NRG2: variants seen among roughly 807,000 people sequenced by gnomAD.
NRG2 encodes the protein neuregulin 2, also known as pro-neuregulin-2, membrane-bound isoform.
NRG2 carries 27 observed loss-of-function variants against 73.9 expected under a neutral mutation model. That is an observed-to-expected ratio of 0.37 (90% CI 0.27 to 0.50). The LOEUF (loss-of-function observed/expected upper bound fraction) is 0.50, where lower values mean the gene tolerates loss of function less well. Ranked by LOEUF, NRG2 falls within the 20% of genes least tolerant of loss-of-function variation. The pLI is 0.96. For missense variants in NRG2, 1,126 were observed against 1,210.1 expected, an observed-to-expected ratio of 0.93 and a Z score of 1.03; for synonymous variants, 532 against 541.0, an observed-to-expected ratio of 0.98 and a Z score of 0.23.
At chr5:139,927,689 G>A (rs543852572) in intron 1 of NRG2, among the ~76,000 whole-genome samples, 6 of 151,022 alleles carry the variant, frequency 4.0e-5, no homozygotes, top group South Asian at 4.2e-4. Flanking sequence ...ACTTGAACCC[G>A]GAAGGCGGAG....
intron 1 of NRG2, among the ~76,000 whole-genome samples, chr5:139,975,250 AG>A (rs990750638): frequency 2.0e-5 from 3 of 152,194 alleles, no homozygotes; most frequent in African/African-American, 2.4e-5. Flanking sequence ...TCTGGTGAAA[AG>A]GGAAAAAAAA....
chr5:139,866,395 T>C (rs1762473859), intron 4 of NRG2, among the ~76,000 whole-genome samples: 1 of 152,180 alleles, frequency 6.6e-6, no homozygotes, highest in South Asian at 2.1e-4. Flanking sequence ...GGAACCCTTG[T>C]GGTAGAACAT....
At chr5:139,881,537 CATTCATTCATTCAACA>C (rs1347229974) in intron 2 of NRG2, among the ~76,000 whole-genome samples, 2 of 152,168 alleles carry the variant, frequency 1.3e-5, no homozygotes, top group African/African-American at 4.8e-5. Flanking sequence ...GTTTTTGTTT[CATTCATTCATTCAACA>C]AATGTTTACT....
intron 1 of NRG2, among the ~76,000 whole-genome samples, chr5:139,976,105 G>A (rs529806173): frequency 6.6e-6 from 1 of 152,006 alleles, no homozygotes; most frequent in Admixed American, 6.6e-5. Flanking sequence ...CTTGTCCAAG[G>A]TCACCAACTT....
intron 1 of NRG2, among the ~76,000 whole-genome samples, chr5:139,973,608 T>C (rs1363026877): frequency 8.5e-5 from 13 of 152,232 alleles, no homozygotes; most frequent in Non-Finnish European, 8.8e-5. Flanking sequence ...ACAATCCTCC[T>C]GCCTCTGCCT....
chr5:139,895,197 C>G (rs753029010), intron 1 of NRG2, among the ~76,000 whole-genome samples: 9 of 152,254 alleles, frequency 5.9e-5, no homozygotes, highest in Non-Finnish European at 1.0e-4. Context: ...CCACAGCCCC[C>G]TCTGCCAGGA....
In NRG2 at chr5:139,853,066, C is replaced by G. The variant is rs764229436; in HGVS notation, c.1293-39G>C. ...GGGAAGGTGAGGCTGGCATTCCCCC[C>G]ACTCGCCAACGATGAACTTCCCTAG... is the stretch of plus-strand genomic sequence containing the variant. On this transcript the variant is annotated intron_variant, in intron 6 of 9. Transcript: ENST00000361474. The surrounding 1 kb of genome is among the most constrained non-coding windows in gnomAD (Gnocchi z 4.1). 3 of 1,610,392 alleles carry G rather than the reference C, an allele frequency of 1.9e-6. No individual in the cohort carries two copies. The South Asian group carries it at 3.3e-5, about 18-fold the overall frequency.
intron 1 of NRG2, among the ~76,000 whole-genome samples, chr5:139,923,842 G>A (rs1751856949): frequency 6.6e-6 from 1 of 152,146 alleles, no homozygotes; most frequent in Admixed American, 6.5e-5. Context: ...GCCTCCTGAA[G>A]GGAGCAGCAA....
rs1453985160 is a variant in NRG2, at chr5:139,852,965, C to T, written c.1355G>A (p.Arg452Gln). The change falls in exon 7 of 10, where the codon CGG (arginine) becomes CAG (glutamine). Residue 452 changes from arginine to glutamine, a missense_variant. By Grantham distance (43) the Arg-to-Gln change is conservative. Around this residue, in one of 3 missense-constraint regions of NRG2, gnomAD observed 539 missense variants for 703.2 expected, o/e 0.77. Coordinates refer to ENST00000361474, the MANE Select transcript of NRG2 (RefSeq NM_004883.3). This position sits in a 1 kb window ranked among gnomAD's most constrained non-coding sequence, Gnocchi z 4.4. ...RQNMCPAHQN[R>Q]SLANGPSHPR... The stretch of plus-strand genomic sequence containing the variant: ...GTGGCTGGGCCCATTGGCCAAGCTC[C>T]GGTTCTGATGGGCCGGGCACATGTT... The T allele has an allele frequency of 5.6e-6, 9 of 1,612,650 alleles. No homozygotes were observed. Among genetic ancestry groups the T allele is most frequent in the Admixed American group, 5.0e-5 (3 of 59,544 alleles).
intron 1 of NRG2, among the ~76,000 whole-genome samples, chr5:139,906,371 A>T (rs965119851): frequency 3.3e-5 from 5 of 151,880 alleles, no homozygotes; most frequent in African/African-American, 7.3e-5. Flanking sequence ...GTTAAACCTA[A>T]ACTCCTCATG....
chr5:140,027,023 C>G (rs1334440193), intron 1 of NRG2, among the ~76,000 whole-genome samples: 1 of 152,258 alleles, frequency 6.6e-6, no homozygotes, highest in East Asian at 1.9e-4. Context: ...CTCTGTCCCC[C>G]AGGCTAGAGT....
In NRG2 at chr5:140,043,157, T is replaced by C; in HGVS notation, c.-88A>G. The C allele has an allele frequency of 6.9e-7, 1 of 1,457,272 alleles. No homozygotes were observed. The highest frequency in any genetic ancestry group is 9.2e-7 in the Non-Finnish European group (1 of 1,086,872). The allele number at this position is 1,457,272 out of a possible 1,614,324, so 90.3% of individuals were successfully genotyped here. The stretch of plus-strand genomic sequence containing the variant: ...GCCCGCTGGAAAACCGGAAACAGCG[T>C]AACGTTAGCGCCTCTTAGCCCTCCA... On this transcript the variant is annotated 5_prime_UTR_variant, in exon 1 of 10. Coordinates refer to ENST00000361474, the MANE Select transcript of NRG2 (RefSeq NM_004883.3). The surrounding 1 kb of genome is among the most constrained non-coding windows in gnomAD (Gnocchi z 6.7).
intron 3 of NRG2, among the ~76,000 whole-genome samples, chr5:139,879,254 C>T (rs1343627066): frequency 6.7e-6 from 1 of 150,070 alleles, no homozygotes; most frequent in African/African-American, 2.5e-5. Context: ...GATGGCCACG[C>T]CCACAGAGAA....
intron 1 of NRG2, among the ~76,000 whole-genome samples, chr5:139,920,394 A>C (rs144210163): frequency 4.7e-4 from 72 of 152,350 alleles, no homozygotes; most frequent in Non-Finnish European, 2.5e-4. Flanking sequence ...GAGAGTAGGG[A>C]TTACATCTTC....
intron 1 of NRG2, chr5:140,019,713 G>C (rs936001672): frequency 1.3e-5 from 2 of 152,166 alleles, no homozygotes; most frequent in African/African-American, 4.8e-5. Flanking sequence ...TGGAAAGGGA[G>C]GGCCCACCTC....
intron 1 of NRG2, among the ~76,000 whole-genome samples, chr5:140,003,127 T>C (rs1230377770): frequency 6.6e-6 from 1 of 152,188 alleles, no homozygotes; most frequent in East Asian, 1.9e-4. Flanking sequence ...TCTTCATAAA[T>C]TGACCAATAT....
intron 3 of NRG2, among the ~76,000 whole-genome samples, chr5:139,874,848 C>A (rs1016347434): frequency 7.2e-5 from 11 of 152,184 alleles, no homozygotes; most frequent in African/African-American, 2.7e-4. Context: ...TTTAATAAGC[C>A]AAGTAGTCTC....
At chr5:139,867,524 G>A (rs1447250975) in intron 4 of NRG2, among the ~76,000 whole-genome samples, 4 of 152,302 alleles carry the variant, frequency 2.6e-5, no homozygotes, top group Admixed American at 6.5e-5. Context: ...TGGAGGTAGT[G>A]GCTAAGGCTT....
In NRG2 at chr5:139,980,319, T is replaced by G. The variant is rs535685062; in HGVS notation, c.700+62051A>C. Among the ~76,000 whole-genome samples the G allele has an allele frequency of 1.1e-4, 17 of 151,558 alleles. No individual in the cohort carries two copies. The East Asian group carries it at 3.1e-3, about 28-fold the overall frequency. On this transcript the variant is annotated intron_variant, in intron 1 of 9. Transcript: ENST00000361474. ...CCCCAGCTCTTTGGGAGATTTGTCT[T>G]TCTAATTCACAGGATGTTCACAGCA...
Sources: gnomAD v4.1 joint callset for allele counts (sites outside exome capture counted in the v4.1 genomes callset) on GRCh38, gnomAD v4.1.1 for gene constraint, gnomAD v4.1.1 regional missense constraint, Gnocchi (gnomAD v3.1) non-coding constraint, MANE v1.5 for transcripts, NCBI Gene and HGNC (gene_info 2026-07-23, HGNC 2026-07-21) for gene names.